The following CADM2 variants were observed in gnomAD, a reference collection of about 807,000 sequenced individuals.
CADM2 encodes the protein cell adhesion molecule 2.
Under a neutral mutation model 49.8 loss-of-function variants are expected in CADM2, and 12 were observed. The observed-to-expected ratio is 0.24, with a 90% CI of 0.15 to 0.39. The LOEUF (loss-of-function observed/expected upper bound fraction) is 0.39. Among genes scored for constraint, CADM2 ranks in the 10% least tolerant of loss-of-function variants. The pLI is 1.00. For missense variants in CADM2, 378 were observed against 492.3 expected, an observed-to-expected ratio of 0.77 and a Z score of 2.20; for synonymous variants, 214 against 175.4, an observed-to-expected ratio of 1.22 and a Z score of -1.74.
intron 7 of CADM2, among the ~76,000 whole-genome samples, chr3:85,939,087 C>T (rs1030107661): frequency 1.3e-5 from 2 of 151,930 alleles, no homozygotes; most frequent in African/African-American, 2.4e-5. Context: ...CCTGGTGTTC[C>T]GAACCTGCCC....
intron 1 of CADM2, among the ~76,000 whole-genome samples, chr3:85,636,990 G>A (rs773981991): frequency 2.6e-5 from 4 of 152,108 alleles, no homozygotes; most frequent in African/African-American, 4.8e-5. Flanking sequence ...AGAGGTTATT[G>A]TTGAATACCT....
At chr3:85,776,908 C>A (rs1261032724) in intron 2 of CADM2, among the ~76,000 whole-genome samples, 1 of 152,024 alleles carries the variant, frequency 6.6e-6, no homozygotes, top group Non-Finnish European at 1.5e-5. Flanking sequence ...AGATGTCTGA[C>A]ACGCCTGAAA....
chr3:86,065,298 A>G (rs1345637750), intron 8 of CADM2, among the ~76,000 whole-genome samples: 5 of 152,194 alleles, frequency 3.3e-5, no homozygotes, highest in African/African-American at 9.7e-5. Context: ...ATACACACAC[A>G]TATTTTCAGA....
chr3:85,094,272 A>T (rs1484817373), intron 1 of CADM2, among the ~76,000 whole-genome samples: 1 of 152,148 alleles, frequency 6.6e-6, no homozygotes, highest in Non-Finnish European at 1.5e-5. Flanking sequence ...TTATAATAAT[A>T]ATTACCTAAT....
chr3:85,943,997 G>A (rs1193834707), intron 7 of CADM2, among the ~76,000 whole-genome samples: 2 of 151,942 alleles, frequency 1.3e-5, no homozygotes, highest in Admixed American at 1.3e-4. Context: ...AAACAGTCAA[G>A]ACCTATCAGT....
chr3:85,484,335 A>T (rs2039332181), intron 1 of CADM2, among the ~76,000 whole-genome samples: 1 of 151,904 alleles, frequency 6.6e-6, no homozygotes, highest in Non-Finnish European at 1.5e-5. Flanking sequence ...AAATTGAAGT[A>T]CTTTATCTTT....
intron 1 of CADM2, among the ~76,000 whole-genome samples, chr3:85,337,903 T>C (rs2045133493): frequency 6.6e-6 from 1 of 151,700 alleles, no homozygotes; most frequent in African/African-American, 2.4e-5. Context: ...TATTTTAATC[T>C]CTTAGAATGA....
chr3:86,005,705 T>C (rs914022799), intron 8 of CADM2, among the ~76,000 whole-genome samples: 1 of 152,222 alleles, frequency 6.6e-6, no homozygotes, highest in African/African-American at 2.4e-5. Flanking sequence ...TTACAAACTA[T>C]TCAATTATAC....
At chr3:85,074,817 C>T (rs895639445) in intron 1 of CADM2, among the ~76,000 whole-genome samples, 7 of 151,848 alleles carry the variant, frequency 4.6e-5, no homozygotes, top group Non-Finnish European at 1.0e-4. Context: ...AATAACCTCA[C>T]ATTTCCGGGA....
At chr3:86,004,954 C>T (rs1730603741) in intron 8 of CADM2, among the ~76,000 whole-genome samples, 1 of 152,080 alleles carries the variant, frequency 6.6e-6, no homozygotes, top group East Asian at 1.9e-4. Flanking sequence ...CCCTAAAGCC[C>T]CTCTCATATC....
intron 1 of CADM2, among the ~76,000 whole-genome samples, chr3:85,723,192 C>T (rs1223971582): frequency 6.6e-6 from 1 of 152,102 alleles, no homozygotes; most frequent in African/African-American, 2.4e-5. Context: ...AACGAACAAT[C>T]TCTGAAAAAA....
intron 8 of CADM2, among the ~76,000 whole-genome samples, chr3:86,010,452 A>G (rs1381568132): frequency 6.6e-6 from 1 of 151,580 alleles, no homozygotes. Flanking sequence ...TATAATGATA[A>G]TAGAAGAAAA....
At chr3:85,557,312 C>G (rs4856274) in intron 1 of CADM2, among the ~76,000 whole-genome samples, 90,204 of 151,552 alleles carry the variant, frequency 0.6, 28,305 homozygotes, top group East Asian at 0.93. Context: ...TGCTACTTGT[C>G]AATATGAAAG....
At chr3:85,015,411 A>C (rs1005382424) in intron 1 of CADM2, among the ~76,000 whole-genome samples, 1 of 152,114 alleles carries the variant, frequency 6.6e-6, no homozygotes, top group East Asian at 1.9e-4. Context: ...TGATTATATT[A>C]CTCCATTTAA....
rs188294082 is a variant in CADM2 at position 85,523,605 on chromosome 3, A to G, written c.62-202917A>G. On this transcript the variant is annotated intron_variant, in intron 1 of 9. Transcript: ENST00000383699. Reference sequence around the variant, plus strand: ...TCTGAAATTTTTTTCTGGAGCTTCAATTACAACAATCCTCAGTAAAAAAAG... The same window carrying G: ...TCTGAAATTTTTTTCTGGAGCTTCAGTTACAACAATCCTCAGTAAAAAAAG... Among the ~76,000 whole-genome samples the G allele has an allele frequency of 1.5e-3, 226 of 151,984 alleles. 6 individuals are homozygous for G. In the East Asian group the frequency reaches 0.039, roughly 26 times the overall value.
chr3:85,665,359 A>T lies in CADM2; in HGVS notation c.62-61163A>T, dbSNP rs1203373601. ...TTTTAATAATTCTGAAAACATTTTA[A>T]AGGTTGTAATGACTTAGAATCATAA... On this transcript the variant is annotated intron_variant, in intron 1 of 9. Coordinates refer to ENST00000383699, the MANE Select transcript of CADM2 (RefSeq NM_001167675.2). Among the ~76,000 whole-genome samples the T allele has an allele frequency of 3.9e-5, 6 of 151,978 alleles. No individual in the cohort carries two copies. In the South Asian group the frequency reaches 1.2e-3, roughly 31 times the overall value.
intron 1 of CADM2, among the ~76,000 whole-genome samples, chr3:85,571,782 A>T (rs2062486076): frequency 6.6e-6 from 1 of 152,214 alleles, no homozygotes; most frequent in African/African-American, 2.4e-5. Flanking sequence ...TTGATGGGCA[A>T]GTCAATGACT....
intron 1 of CADM2, among the ~76,000 whole-genome samples, chr3:85,598,094 A>G (rs1231177540): frequency 6.6e-6 from 1 of 151,984 alleles, no homozygotes; most frequent in Non-Finnish European, 1.5e-5. Context: ...ATTTCAGGAG[A>G]CTTCAGACCG....
At chr3:85,199,370 T>TGTGTGTGTGAGAGAGAGAGAGAGA (rs1553694531) in intron 1 of CADM2, among the ~76,000 whole-genome samples, 3 of 140,166 alleles carry the variant, frequency 2.1e-5, no homozygotes, top group African/African-American at 8.5e-5. Flanking sequence ...TGTGTGTGTA[T>TGTGTGTGTGAGAGAGAGAGAGAGA]GAGAGAGAGA....
Sources: allele counts gnomAD v4.1 joint callset (sites outside exome capture counted in the v4.1 genomes callset), GRCh38; gene constraint gnomAD v4.1.1; transcripts MANE v1.5; gene names NCBI Gene and HGNC (gene_info 2026-07-23, HGNC 2026-07-21).